GGA3: variants seen among roughly 807,000 people sequenced by gnomAD.
The protein encoded by GGA3 is ADP-ribosylation factor-binding protein GGA3.
Under a neutral mutation model 77.5 loss-of-function variants are expected in GGA3, and 57 were observed. That is an observed-to-expected ratio of 0.74 (90% CI 0.59 to 0.92). GGA3 has a LOEUF of 0.92. Among genes scored for constraint, GGA3 ranks in the 40% least tolerant of loss-of-function variants. The probability of loss-of-function intolerance (pLI) is 0.00; values close to 1 mark genes in which losing one functional copy is unlikely to be tolerated. For missense variants in GGA3, 970 were observed against 914.9 expected (o/e 1.06, Z -0.78); for synonymous variants, 416 against 383.7 (o/e 1.08, Z -0.98).
At position 75,239,002 on chromosome 17, in the gene GGA3, C is replaced by T. The variant is rs376622717; in HGVS notation, c.1862G>A (p.Arg621Gln). The T allele has an allele frequency of 3.7e-5, 59 of 1,613,990 alleles. No homozygotes were observed. Among genetic ancestry groups the T allele is most frequent in the Non-Finnish European group, 4.7e-5 (55 of 1,180,030 alleles). ...FHFAKECPPG[R>Q]PDVLVVVVSM... is the part of the protein sequence containing the mutation. ...CACCACCACCACCAGCACGTCAGGT[C>T]GTCCTGGGGGACACTCCTTGGCAAA... The change falls in exon 15 of 17, where the codon CGA becomes CAA. Residue 621 changes from arginine (R) to glutamine (Q), a missense_variant. Arg to Gln is a conservative substitution (Grantham distance 43). Coordinates refer to ENST00000537686, the MANE Select transcript of GGA3 (RefSeq NM_138619.4).
rs751975243 is a variant in GGA3 at position 75,239,836 on chromosome 17, C to T, written c.1536G>A (p.Ala512=). Residue 512 remains alanine, a synonymous_variant, in exon 13 of 17, where the codon GCG becomes GCA. Coordinates refer to ENST00000537686, the MANE Select transcript of GGA3 (RefSeq NM_138619.4). ...GATCGAGGGCATCCAGGTGGTGCAGCGCGCTGTTGCCCAACGCCAAGCCAT... is the reference window on the plus strand; with the variant it reads ...GATCGAGGGCATCCAGGTGGTGCAGTGCGCTGTTGCCCAACGCCAAGCCAT... ...GHHGLALGNS[A]LHHLDALDQL... is the part of the protein sequence containing the mutation. 23 of 1,613,826 alleles carry T rather than the reference C, an allele frequency of 1.4e-5. No homozygotes were observed. Among genetic ancestry groups the T allele is most frequent in the Admixed American group, 1.0e-4 (6 of 60,012 alleles).
At chr17:75,257,868 CCCAAG>C (rs2077210066) in intron 1 of GGA3, among the ~76,000 whole-genome samples, 1 of 152,222 alleles carries the variant, frequency 6.6e-6, no homozygotes, top group African/African-American at 2.4e-5. Flanking sequence ...CAGGCCTGAG[CCCAAG>C]CCAAGCCATC....
chr17:75,258,339 A>G (rs2077226450), intron 1 of GGA3, among the ~76,000 whole-genome samples: 1 of 152,178 alleles, frequency 6.6e-6, no homozygotes, highest in African/African-American at 2.4e-5. Context: ...CCTAGTACAG[A>G]AGGAATGAGG....
rs753891506 is a variant in GGA3 at position 75,238,361 on chromosome 17, G to A, written c.2090C>T (p.Thr697Ile). 6.2e-7 allele frequency: 1 copy of A among 1,613,744 alleles called. No homozygotes were observed. Among genetic ancestry groups the A allele is most frequent in the East Asian group, 2.2e-5 (1 of 44,884 alleles). Reference sequence around the variant, plus strand: ...GCTCAGCTGCTCCCCCAGGGCGAAGGTCAGCTTATACCGAAGCCGCACCTT... The same window carrying A: ...GCTCAGCTGCTCCCCCAGGGCGAAGATCAGCTTATACCGAAGCCGCACCTT... Reference protein sequence around the residue: ...KEKVRLRYKLTFALGEQLSTE... With the variant: ...KEKVRLRYKLIFALGEQLSTE... Residue 697 changes from threonine to isoleucine, a missense_variant, in exon 17 of 17, where the codon ACC becomes ATC. Coordinates refer to ENST00000537686, the MANE Select transcript of GGA3 (RefSeq NM_138619.4).
intron 1 of GGA3, among the ~76,000 whole-genome samples, chr17:75,260,707 G>C (rs2077328440): frequency 6.6e-6 from 1 of 152,170 alleles, no homozygotes; most frequent in South Asian, 2.1e-4. Context: ...AGGCTTCCAG[G>C]TCTAGCCTAC....
At position 75,243,499 on chromosome 17, in the gene GGA3, G is replaced by C; in HGVS notation, c.372C>G (p.Ala124=). The change falls in exon 5 of 17, where the codon GCC becomes GCG. Residue 124 remains alanine (A), a synonymous_variant. Transcript: ENST00000537686. The part of the protein sequence containing the change: ...VIELLYSWTM[A]LPEEAKIKDA... ...CTTTGATCTTTGCTTCTTCTGGCAG[G>C]GCCATGGTCCAGCTGTACAGCAGCT... 1 of 1,614,120 alleles carries C rather than the reference G, an allele frequency of 6.2e-7. No individual in the cohort carries two copies. The highest frequency in any genetic ancestry group is 8.5e-7 in the Non-Finnish European group (1 of 1,179,988).
chr17:75,261,732 G>C, upstream of GGA3: 1 of 1,146,238 alleles, frequency 8.7e-7, no homozygotes, highest in Non-Finnish European at 1.2e-6. Flanking sequence ...GGAGGGCAAG[G>C]GTTTCCTTTT....
intron 12 of GGA3, 46 bp from the exon 13 acceptor site, chr17:75,240,154 G>GGCC: frequency 8.6e-6 from 4 of 465,518 alleles, no homozygotes; most frequent in East Asian, 5.6e-5. Flanking sequence ...GGTGGGGAGG[G>GGCC]CCTGCCGCTG....
rs118088218 is a variant in GGA3 at position 75,243,696 on chromosome 17, C to A, written c.301-126G>T. The A allele has an allele frequency of 2.0e-4, 179 of 888,698 alleles. 1 individual carries two copies. In the East Asian group the frequency reaches 4.3e-3, roughly 21 times the overall value. The allele number at this position is 888,698 out of a possible 1,614,324, so 55.1% of individuals were successfully genotyped here. ...GGTCCTACTCAAAATCTGCAGGTGT[C>A]CAAGTGTGTGTGAGACAGCGTGGGG... On this transcript the variant is annotated intron_variant, in intron 4 of 16. Transcript: ENST00000537686.
chr17:75,254,599 G>A (rs1056458312), intron 1 of GGA3, among the ~76,000 whole-genome samples: 3 of 151,980 alleles, frequency 2.0e-5, no homozygotes, highest in Non-Finnish European at 4.4e-5. Flanking sequence ...ATCTGCTCCC[G>A]ACATTAAATA....
chr17:75,260,670 A>G (rs563588967), intron 1 of GGA3, among the ~76,000 whole-genome samples: 1 of 152,328 alleles, frequency 6.6e-6, no homozygotes, highest in African/African-American at 2.4e-5. Flanking sequence ...TCCCATTACC[A>G]GTCCAATTTC....
intron 1 of GGA3, among the ~76,000 whole-genome samples, chr17:75,248,250 T>C (rs1359037275): frequency 2.0e-5 from 3 of 150,866 alleles, no homozygotes; most frequent in Non-Finnish European, 4.4e-5. Flanking sequence ...GGCGGGCGGA[T>C]CACGAGGTCA....
At chr17:75,241,796 T>C in intron 8 of GGA3, 100 bp from the exon 9 acceptor site, 4 of 1,001,176 alleles carry the variant, frequency 4.0e-6, no homozygotes, top group Middle Eastern at 2.3e-4. Flanking sequence ...GATATGCCAA[T>C]TGCCACGGTC....
At chr17:75,253,616 A>G (rs1258079538) in intron 1 of GGA3, among the ~76,000 whole-genome samples, 2 of 151,950 alleles carry the variant, frequency 1.3e-5, no homozygotes, top group Non-Finnish European at 2.9e-5. Flanking sequence ...CTTCACCCTT[A>G]GCGGTAAGTC....
At chr17:75,261,339 G>A (rs2077365113) in intron 1 of GGA3, among the ~76,000 whole-genome samples, 1 of 152,254 alleles carries the variant, frequency 6.6e-6, no homozygotes, top group Admixed American at 6.5e-5. Flanking sequence ...AGAGCAAGAG[G>A]ACGCGCCGCA....
At chr17:75,250,981 T>A (rs748164671) in intron 1 of GGA3, among the ~76,000 whole-genome samples, 27 of 151,192 alleles carry the variant, frequency 1.8e-4, no homozygotes, top group Admixed American at 5.3e-4. Context: ...CTCAGGAGGC[T>A]AAGGCAGGAG....
At position 75,254,942 on chromosome 17, in the gene GGA3, T is replaced by C. The variant is rs369273753; in HGVS notation, c.40+6606A>G. On this transcript the variant is annotated intron_variant, in intron 1 of 16. Transcript: ENST00000537686. ...CATCTGTGTGGGACCCCACTGAAAA[T>C]TGGACTGTTCAACTCACCTGACAGC... 2.6e-4 allele frequency among the ~76,000 whole-genome samples: 40 copies of C among 152,078 alleles called. 1 individual carries two copies. Among genetic ancestry groups the C allele is most frequent in the Admixed American group, 9.8e-4 (15 of 15,266 alleles).
intron 5 of GGA3, 66 bp downstream of exon 5, chr17:75,243,381 C>T (rs1038598584): frequency 1.3e-6 from 2 of 1,595,532 alleles, no homozygotes; most frequent in East Asian, 2.2e-5. Flanking sequence ...CCAAACCTTC[C>T]CTTCTCTCCT....
rs150145405 is a variant in GGA3 at position 75,241,670 on chromosome 17, C to G, written c.774G>C (p.Lys258Asn). The change falls in exon 9 of 17, where the codon AAG becomes AAC. Residue 258 changes from lysine to asparagine, a missense_variant. Physicochemically the swap from Lys to Asn is moderately conservative, Grantham distance 94. Coordinates refer to ENST00000537686, the MANE Select transcript of GGA3 (RefSeq NM_138619.4). ...MKELFDQCEN[K>N]RRTLFKLASE... ...TGGCGAGTTTAAATAAAGTCCGCCT[C>G]TTGTTCTCACACTGATCAAACAGCT... is the stretch of plus-strand genomic sequence containing the variant. 99 of 1,614,154 alleles carry G rather than the reference C, an allele frequency of 6.1e-5. No homozygotes were observed. In the Middle Eastern group the frequency reaches 8.2e-4, roughly 13 times the overall value.
Sources: allele counts gnomAD v4.1 joint callset (sites outside exome capture counted in the v4.1 genomes callset), GRCh38; gene constraint gnomAD v4.1.1; transcripts MANE v1.5; gene names NCBI Gene and HGNC (gene_info 2026-07-23, HGNC 2026-07-21).